Variants in CTNND2 observed in about 807,000 individuals in gnomAD.
The protein encoded by CTNND2 is catenin delta-2.
CTNND2 carries 22 observed loss-of-function variants against 144.4 expected under a neutral mutation model. The ratio of observed to expected loss-of-function variants is 0.15; its 90% CI spans 0.11 to 0.22. The LOEUF (loss-of-function observed/expected upper bound fraction) is 0.22, where lower values mean the gene tolerates loss of function less well. CTNND2 is among the 10% of genes least tolerant of loss of function. CTNND2 has a pLI of 1.00. For synonymous variants in CTNND2, 751 were observed against 695.6 expected (o/e 1.08, Z -1.25); for missense variants, 1,353 against 1,618.8 (o/e 0.84, Z 2.82).
intron 11 of CTNND2, among the ~76,000 whole-genome samples, chr5:11,168,815 GAGAGAGAGAAAGTGAA>G (rs1166542914): frequency 6.6e-6 from 1 of 151,864 alleles, no homozygotes; most frequent in African/African-American, 2.4e-5. Flanking sequence ...TGAGGAAGAG[GAGAGAGAGAAAGTGAA>G]AGAGAGAGAG....
At chr5:11,545,947 C>G (rs1775200973) in intron 3 of CTNND2, among the ~76,000 whole-genome samples, 1 of 152,114 alleles carries the variant, frequency 6.6e-6, no homozygotes, top group Non-Finnish European at 1.5e-5. Context: ...ATATCATTAA[C>G]TATGATTTAT....
At chr5:11,302,996 G>C (rs1749773908) in intron 9 of CTNND2, among the ~76,000 whole-genome samples, 1 of 152,104 alleles carries the variant, frequency 6.6e-6, no homozygotes, top group African/African-American at 2.4e-5. Flanking sequence ...TTTGAGCCCT[G>C]GGTTAACTTG....
chr5:11,136,634 G>C (rs1756176718), intron 12 of CTNND2, among the ~76,000 whole-genome samples: 1 of 152,192 alleles, frequency 6.6e-6, no homozygotes, highest in Non-Finnish European at 1.5e-5. Context: ...AGCATATCAA[G>C]TCAGCTCTAA....
intron 2 of CTNND2, among the ~76,000 whole-genome samples, chr5:11,623,453 C>T (rs560845784): frequency 1.3e-5 from 2 of 151,990 alleles, no homozygotes; most frequent in Admixed American, 1.3e-4. Context: ...GTAAGATGTG[C>T]CTTTTGCCTT....
chr5:11,245,433 A>C (rs1172336782), intron 9 of CTNND2, among the ~76,000 whole-genome samples: 1 of 152,128 alleles, frequency 6.6e-6, no homozygotes, highest in Non-Finnish European at 1.5e-5. Context: ...TGTCCTAAGA[A>C]GAGGGACGCA....
chr5:11,475,769 G>A (rs1327154614), intron 3 of CTNND2, among the ~76,000 whole-genome samples: 1 of 152,142 alleles, frequency 6.6e-6, no homozygotes, highest in Non-Finnish European at 1.5e-5. Context: ...TTCACATAAA[G>A]AAATGAAATA....
chr5:11,657,944 T>C (rs1783000664), intron 2 of CTNND2, among the ~76,000 whole-genome samples: 1 of 152,168 alleles, frequency 6.6e-6, no homozygotes, highest in Non-Finnish European at 1.5e-5. Context: ...TTCTTAACTT[T>C]ATGACTTTTG....
intron 12 of CTNND2, among the ~76,000 whole-genome samples, chr5:11,154,054 ATAT>A (rs1757994888): frequency 6.6e-6 from 1 of 152,228 alleles, no homozygotes; most frequent in Non-Finnish European, 1.5e-5. Flanking sequence ...TGCATCGGTG[ATAT>A]TTTAAATGGG....
chr5:11,033,225 T>A (rs1313594273), intron 16 of CTNND2, among the ~76,000 whole-genome samples: 2 of 152,216 alleles, frequency 1.3e-5, no homozygotes, highest in Admixed American at 1.3e-4. Context: ...CAATCCACAA[T>A]GGACTTGACA....
At chr5:11,006,291 T>C (rs1322435222) in intron 18 of CTNND2, among the ~76,000 whole-genome samples, 1 of 152,238 alleles carries the variant, frequency 6.6e-6, no homozygotes, top group Non-Finnish European at 1.5e-5. Context: ...TCTTCCTGGA[T>C]GCCCATCTAG....
At chr5:11,236,900 A>G (rs1319346185) in intron 9 of CTNND2, 77 bp from the exon 10 acceptor site, 1 of 1,493,650 alleles carries the variant, frequency 6.7e-7, no homozygotes, top group Non-Finnish European at 9.3e-7. Flanking sequence ...TAGCTCGTGT[A>G]TGAAATGTAC....
chr5:11,775,124 G>A (rs189007228), intron 1 of CTNND2, among the ~76,000 whole-genome samples: 49 of 152,140 alleles, frequency 3.2e-4, no homozygotes, highest in African/African-American at 1.1e-3. Context: ...AGAAAAGTGC[G>A]GTTTTTACCA....
chr5:11,839,206 A>G (rs1272808992), intron 1 of CTNND2, among the ~76,000 whole-genome samples: 1 of 151,956 alleles, frequency 6.6e-6, no homozygotes, highest in African/African-American at 2.4e-5. Flanking sequence ...CTGGGGTCAT[A>G]CAATTGGTGA....
intron 16 of CTNND2, among the ~76,000 whole-genome samples, chr5:11,030,021 G>T (rs1000340214): frequency 1.5e-4 from 22 of 146,594 alleles, no homozygotes; most frequent in African/African-American, 5.0e-4. Flanking sequence ...CTGGACATAG[G>T]ATTCTTGGCT....
chr5:11,739,268 C>T (rs1314643556), intron 1 of CTNND2, among the ~76,000 whole-genome samples: 1 of 151,954 alleles, frequency 6.6e-6, no homozygotes, highest in African/African-American at 2.4e-5. Context: ...GGTCAGATTA[C>T]CAGGATAATT....
chr5:11,399,337 T>C lies in CTNND2; in HGVS notation c.440-2134A>G, dbSNP rs144634469. Among the ~76,000 whole-genome samples, 31 of 152,266 alleles carry C rather than the reference T, an allele frequency of 2.0e-4. 1 individual carries two copies. In the East Asian group the frequency reaches 5.8e-3, roughly 29 times the overall value. The stretch of plus-strand genomic sequence containing the variant: ...GGAAATATCAATAGAATGAAGTAAA[T>C]AAACACATAAACAAAATACTTAATT... On this transcript the variant is annotated intron_variant, in intron 5 of 21. Coordinates refer to ENST00000304623, the MANE Select transcript of CTNND2 (RefSeq NM_001332.4).
chr5:11,580,247 T>TA (rs1778318572), intron 2 of CTNND2, among the ~76,000 whole-genome samples: 1 of 152,052 alleles, frequency 6.6e-6, no homozygotes, highest in South Asian at 2.1e-4. Flanking sequence ...GATGGGGAAA[T>TA]AGAGAGATAG....
chr5:11,007,428 C>T (rs1394179337), intron 18 of CTNND2, among the ~76,000 whole-genome samples: 1 of 152,210 alleles, frequency 6.6e-6, no homozygotes, highest in African/African-American at 2.4e-5. Context: ...TGTGAGTTCA[C>T]TCAGCTTTAA....
intron 9 of CTNND2, among the ~76,000 whole-genome samples, chr5:11,275,457 G>A (rs1746430421): frequency 6.6e-6 from 1 of 152,198 alleles, no homozygotes; most frequent in African/African-American, 2.4e-5. Context: ...AGACATCTGG[G>A]TTCAAATTCT....
Sources: gnomAD v4.1 joint callset for allele counts (sites outside exome capture counted in the v4.1 genomes callset) on GRCh38, gnomAD v4.1.1 for gene constraint, MANE v1.5 for transcripts, NCBI Gene and HGNC (gene_info 2026-07-23, HGNC 2026-07-21) for gene names.